Variants in CELF2 observed in about 807,000 individuals in gnomAD.
CELF2 encodes the protein CUG triplet repeat RNA-binding protein 2.
CELF2 carries 8 observed loss-of-function variants against 62.6 expected under a neutral mutation model. The ratio of observed to expected loss-of-function variants is 0.13; its 90% CI spans 0.07 to 0.23. The LOEUF (loss-of-function observed/expected upper bound fraction) is 0.23, where lower values mean the gene tolerates loss of function less well. Ranked by LOEUF, CELF2 falls within the 10% of genes least tolerant of loss-of-function variation. The pLI, the probability that CELF2 is intolerant of heterozygous loss-of-function variation, is 1.00. For missense variants in CELF2, 333 were observed against 671.0 expected, an observed-to-expected ratio of 0.50 and a Z score of 5.56; for synonymous variants, 258 against 250.0, an observed-to-expected ratio of 1.03 and a Z score of -0.30.
At chr10:10,850,086 T>A (rs931183410) in intron 1 of CELF2, among the ~76,000 whole-genome samples, 1 of 151,838 alleles carries the variant, frequency 6.6e-6, no homozygotes, top group African/African-American at 2.4e-5. Flanking sequence ...GAGGCGGAGA[T>A]TGCAGTGAGC....
At chr10:11,077,843 G>A (rs145155367) in intron 1 of CELF2, among the ~76,000 whole-genome samples, 2 of 152,270 alleles carry the variant, frequency 1.3e-5, no homozygotes, top group African/African-American at 4.8e-5. Flanking sequence ...GAAGTTATGT[G>A]AGTAGAAGAA....
intron 1 of CELF2, among the ~76,000 whole-genome samples, chr10:11,061,844 G>A (rs939974579): frequency 2.6e-5 from 4 of 152,192 alleles, no homozygotes; most frequent in Admixed American, 6.5e-5. Context: ...GCAGAGTCTC[G>A]CTCTGTCACC....
chr10:11,104,203 A>G (rs2052696042), intron 1 of CELF2, among the ~76,000 whole-genome samples: 1 of 152,178 alleles, frequency 6.6e-6, no homozygotes, highest in Non-Finnish European at 1.5e-5. Context: ...TGTTAGCCTG[A>G]TGTATTTATT....
the CELF2 span, among the ~76,000 whole-genome samples, chr10:10,622,260 T>C: frequency 6.6e-6 from 1 of 152,132 alleles, no homozygotes; most frequent in Non-Finnish European, 1.5e-5. Context: ...GATGGACCAT[T>C]AATGTAACTC....
intron 2 of CELF2, chr10:10,960,353 C>T (rs1006044067): frequency 1.3e-5 from 2 of 152,208 alleles, no homozygotes; most frequent in African/African-American, 4.8e-5. Flanking sequence ...GCAAAAACTC[C>T]CAACTGACTG....
chr10:11,293,491 C>A (rs2092782053), intron 9 of CELF2, among the ~76,000 whole-genome samples: 1 of 152,176 alleles, frequency 6.6e-6, no homozygotes. Context: ...CATTCTAGAC[C>A]TGGGGCAGTG....
At chr10:11,235,681 G>T (rs1261254271) in intron 3 of CELF2, among the ~76,000 whole-genome samples, 1 of 152,286 alleles carries the variant, frequency 6.6e-6, no homozygotes, top group South Asian at 2.1e-4. Context: ...AAATGTAGCT[G>T]CTGAAAACAA....
chr10:10,857,185 G>A (rs1323757375), intron 1 of CELF2, among the ~76,000 whole-genome samples: 4 of 152,104 alleles, frequency 2.6e-5, no homozygotes, highest in Admixed American at 6.6e-5. Context: ...TGCCTTGGTC[G>A]TTGACTGACT....
chr10:10,675,760 CA>C, the CELF2 span, among the ~76,000 whole-genome samples: 1 of 152,170 alleles, frequency 6.6e-6, no homozygotes, highest in South Asian at 2.1e-4. Flanking sequence ...CCATTAAAGG[CA>C]TTCTTCCATT....
At chr10:10,807,858 T>C (rs962090178) in intron 1 of CELF2, among the ~76,000 whole-genome samples, 7 of 152,184 alleles carry the variant, frequency 4.6e-5, no homozygotes, top group African/African-American at 1.7e-4. Flanking sequence ...GCTAGAGTTA[T>C]GGAAAACCTG....
chr10:11,210,492 G>T (rs1166700695), intron 2 of CELF2, among the ~76,000 whole-genome samples: 8 of 152,190 alleles, frequency 5.3e-5, no homozygotes, highest in Admixed American at 5.2e-4. Context: ...TGTCTCATTA[G>T]CCCTCAAGTT....
intron 1 of CELF2, among the ~76,000 whole-genome samples, chr10:10,824,717 C>T (rs184923026): frequency 7.4e-4 from 112 of 152,318 alleles, no homozygotes; most frequent in African/African-American, 2.5e-3. Context: ...ACAGACTGTG[C>T]GTGAATTGCA....
chr10:11,154,340 C>G (rs747680606), intron 1 of CELF2, among the ~76,000 whole-genome samples: 7 of 152,186 alleles, frequency 4.6e-5, no homozygotes, highest in Non-Finnish European at 1.0e-4. Flanking sequence ...ATTTCCAAAT[C>G]AAAATGTAGT....
the CELF2 span, among the ~76,000 whole-genome samples, chr10:10,501,649 C>A: frequency 6.6e-6 from 1 of 151,970 alleles, no homozygotes; most frequent in Non-Finnish European, 1.5e-5. Context: ...ATCTTGTATC[C>A]TGCAACTTTG....
chr10:10,661,634 T>C, the CELF2 span, among the ~76,000 whole-genome samples: 1 of 152,230 alleles, frequency 6.6e-6, no homozygotes, highest in African/African-American at 2.4e-5. Flanking sequence ...GTTAAATAGA[T>C]ATATAAGTGA....
the CELF2 span, among the ~76,000 whole-genome samples, chr10:10,562,237 C>A: frequency 6.6e-6 from 1 of 152,142 alleles, no homozygotes; most frequent in African/African-American, 2.4e-5. Context: ...TCCACTAATC[C>A]CCTTGTGTAG....
At chr10:11,308,530 G>A (rs575492632) in intron 9 of CELF2, among the ~76,000 whole-genome samples, 48 of 152,246 alleles carry the variant, frequency 3.2e-4, no homozygotes, top group South Asian at 2.3e-3. Flanking sequence ...AACCAACTGT[G>A]GAGCCCTATG....
chr10:10,901,256 A>G (rs530882448), intron 1 of CELF2, among the ~76,000 whole-genome samples: 1 of 152,352 alleles, frequency 6.6e-6, no homozygotes, highest in African/African-American at 2.4e-5. Context: ...CTAACAGTGT[A>G]TGATTTCACG....
intron 1 of CELF2, among the ~76,000 whole-genome samples, chr10:10,801,699 C>A (rs1489046896): frequency 6.6e-6 from 1 of 152,174 alleles, no homozygotes; most frequent in Non-Finnish European, 1.5e-5. Flanking sequence ...GGCAAAAAGG[C>A]CTTTAAACCC....
Sources: gnomAD v4.1 joint callset for allele counts (sites outside exome capture counted in the v4.1 genomes callset) on GRCh38, gnomAD v4.1.1 for gene constraint, MANE v1.5 for transcripts, NCBI Gene and HGNC (gene_info 2026-07-23, HGNC 2026-07-21) for gene names.